The following PRKD1 variants were observed in gnomAD, a reference collection of about 807,000 sequenced individuals.
The protein encoded by PRKD1 is protein kinase D1.
Under a neutral mutation model 95.9 loss-of-function variants are expected in PRKD1, and 63 were observed. That is an observed-to-expected ratio of 0.66 (90% CI 0.54 to 0.81). The LOEUF is 0.81. PRKD1 is among the 30% of genes least tolerant of loss of function. The probability of loss-of-function intolerance (pLI) is 0.00; values close to 1 mark genes in which losing one functional copy is unlikely to be tolerated. For synonymous variants in PRKD1, 425 were observed against 423.1 expected (o/e 1.00, Z -0.05); for missense variants, 1,048 against 1,165.3 (o/e 0.90, Z 1.47).
At chr14:29,852,513 C>T (rs1181638699) in intron 1 of PRKD1, among the ~76,000 whole-genome samples, 1 of 150,244 alleles carries the variant, frequency 6.7e-6, no homozygotes, top group South Asian at 2.1e-4. Context: ...CTAACAAGTG[C>T]ATTGTGGGAG....
At chr14:29,789,616 T>C (rs139636783) in intron 1 of PRKD1, among the ~76,000 whole-genome samples, 2,008 of 152,260 alleles carry the variant, frequency 0.013, 44 homozygotes, top group African/African-American at 0.042. Context: ...TATAAGTGAA[T>C]GCCAATGGTG....
intron 1 of PRKD1, among the ~76,000 whole-genome samples, chr14:29,803,278 C>T (rs1890106675): frequency 6.6e-6 from 1 of 152,122 alleles, no homozygotes. Context: ...AATAAACAGT[C>T]TCATTTTGAT....
chr14:29,837,491 C>A (rs1891656617), intron 1 of PRKD1, among the ~76,000 whole-genome samples: 1 of 152,142 alleles, frequency 6.6e-6, no homozygotes. Context: ...GAGGTAATCA[C>A]ATCCATTTGT....
chr14:29,835,562 C>A (rs115374339), intron 1 of PRKD1, among the ~76,000 whole-genome samples: 5,908 of 152,060 alleles, frequency 0.039, 129 homozygotes, highest in Middle Eastern at 0.054. Context: ...TTACTCTTTT[C>A]TTTATTTATT....
chr14:29,636,580 C>T (rs1389276261), intron 6 of PRKD1, 86 bp from the exon 7 acceptor site: 1 of 1,332,072 alleles, frequency 7.5e-7, no homozygotes, highest in African/African-American at 1.5e-5. Flanking sequence ...TAAAACAAAT[C>T]AATTGGAAGC....
rs892653128 is a variant in PRKD1 at position 29,832,276 on chromosome 14, A to G, written c.264+94973T>C. On this transcript the variant is annotated intron_variant, in intron 1 of 17. Coordinates refer to ENST00000331968, the MANE Select transcript of PRKD1 (RefSeq NM_002742.3). ...TTAAACTTCTGTTGGTGGGTATATG[A>G]AATGTTGCTCTCATCCTTATTTTAC... Among the ~76,000 whole-genome samples the G allele has an allele frequency of 2.6e-5, 4 of 152,288 alleles. No individual in the cohort carries two copies. In the East Asian group the frequency reaches 7.7e-4, roughly 29 times the overall value.
Position 29,810,465 on chromosome 14 carries a change from T to C in PRKD1, c.265-84791A>G, listed in dbSNP as rs1187243049. Among the ~76,000 whole-genome samples the C allele has an allele frequency of 2.0e-5, 3 of 152,342 alleles. No individual in the cohort carries two copies. In the East Asian group the frequency reaches 5.8e-4, roughly 29 times the overall value. On this transcript the variant is annotated intron_variant, in intron 1 of 17. Coordinates refer to ENST00000331968, the MANE Select transcript of PRKD1 (RefSeq NM_002742.3). ...CTTATGCTAATACTTCAATCTACAT[T>C]TACAAACTTTTCAAATATTTTATCT...
At chr14:29,891,399 T>A (rs2184280) in intron 1 of PRKD1, among the ~76,000 whole-genome samples, 65,034 of 151,974 alleles carry the variant, frequency 0.43, 14,767 homozygotes, top group African/African-American at 0.59. Context: ...GTTAGATACC[T>A]GTTTTCCTTC....
At chr14:29,718,513 T>G (rs1049130214) in intron 2 of PRKD1, among the ~76,000 whole-genome samples, 11 of 152,122 alleles carry the variant, frequency 7.2e-5, no homozygotes, top group African/African-American at 2.4e-4. Context: ...ACAGGTTTAC[T>G]TGAAAGATAA....
chr14:29,640,348 CCT>C (rs1566506624), intron 4 of PRKD1, among the ~76,000 whole-genome samples: 1 of 152,076 alleles, frequency 6.6e-6, no homozygotes, highest in Non-Finnish European at 1.5e-5. Flanking sequence ...CTTTTCAATC[CCT>C]ATCTGTACCA....
At chr14:29,914,476 C>G (rs958779759) in intron 1 of PRKD1, among the ~76,000 whole-genome samples, 1 of 152,146 alleles carries the variant, frequency 6.6e-6, no homozygotes, top group Non-Finnish European at 1.5e-5. Flanking sequence ...GAAAGCAGGC[C>G]GGGCACAGTG....
chr14:29,611,984 G>A (rs979212138), intron 13 of PRKD1, among the ~76,000 whole-genome samples: 1 of 152,090 alleles, frequency 6.6e-6, no homozygotes, highest in South Asian at 2.1e-4. Context: ...TCCTATTACT[G>A]TAGTACAGCT....
chr14:29,655,794 C>T (rs1000201907), intron 4 of PRKD1, among the ~76,000 whole-genome samples: 27 of 151,846 alleles, frequency 1.8e-4, no homozygotes, highest in African/African-American at 6.5e-4. Flanking sequence ...ATTTGTATAC[C>T]ATTTTTAAAA....
At chr14:29,742,918 G>C (rs189761732) in intron 1 of PRKD1, among the ~76,000 whole-genome samples, 21 of 152,182 alleles carry the variant, frequency 1.4e-4, no homozygotes, top group Admixed American at 3.9e-4. Context: ...ACAATACAAA[G>C]AGCCCTCACC....
chr14:29,853,807 T>C (rs1421987591), intron 1 of PRKD1, among the ~76,000 whole-genome samples: 2 of 152,208 alleles, frequency 1.3e-5, no homozygotes, highest in African/African-American at 4.8e-5. Flanking sequence ...GGCGCAGGTC[T>C]TTCCCATGCT....
At chr14:29,925,463 G>A (rs1013327157) in intron 1 of PRKD1, among the ~76,000 whole-genome samples, 2 of 152,084 alleles carry the variant, frequency 1.3e-5, no homozygotes, top group Admixed American at 1.3e-4. Context: ...CCACCTGCAG[G>A]CCTGCTGCAT....
At chr14:29,825,049 T>G (rs1249180615) in intron 1 of PRKD1, among the ~76,000 whole-genome samples, 3 of 152,082 alleles carry the variant, frequency 2.0e-5, no homozygotes, top group Non-Finnish European at 4.4e-5. Context: ...CTTCAAATTT[T>G]TATTGGGTAT....
intron 1 of PRKD1, among the ~76,000 whole-genome samples, chr14:29,844,744 A>G (rs1892013350): frequency 6.6e-6 from 1 of 152,184 alleles, no homozygotes; most frequent in African/African-American, 2.4e-5. Flanking sequence ...TTTCTTCCAC[A>G]TTGAAAATTC....
chr14:29,849,656 C>G (rs978600780), intron 1 of PRKD1, among the ~76,000 whole-genome samples: 1 of 151,768 alleles, frequency 6.6e-6, no homozygotes, highest in South Asian at 2.1e-4. Context: ...CAAAGAAGAG[C>G]TGGTACCAAT....
Sources: allele counts gnomAD v4.1 joint callset (sites outside exome capture counted in the v4.1 genomes callset), GRCh38; gene constraint gnomAD v4.1.1; transcripts MANE v1.5; gene names NCBI Gene and HGNC (gene_info 2026-07-23, HGNC 2026-07-21).